CD226: variants seen among roughly 807,000 people sequenced by gnomAD.
CD226 encodes the protein CD226 antigen.
In CD226, 24 loss-of-function variants were observed where a neutral mutation model predicts 34.9. The observed-to-expected ratio is 0.69, with a 90% CI of 0.50 to 0.97. The LOEUF (loss-of-function observed/expected upper bound fraction) is 0.97, where lower values mean the gene tolerates loss of function less well. Among genes scored for constraint, CD226 ranks in the 50% least tolerant of loss-of-function variants. The pLI, the probability that CD226 is intolerant of heterozygous loss-of-function variation, is 0.00. For synonymous variants in CD226, 148 were observed against 147.4 expected, an observed-to-expected ratio of 1.00 and a Z score of -0.03; for missense variants, 397 against 412.7, an observed-to-expected ratio of 0.96 and a Z score of 0.33.
upstream of CD226, among the ~76,000 whole-genome samples, chr18:69,960,567 A>G (rs1234715590): frequency 6.6e-6 from 1 of 152,158 alleles, no homozygotes; most frequent in Non-Finnish European, 1.5e-5. Flanking sequence ...CTCCTGCCTC[A>G]GCCTCCCAAG....
upstream of CD226, among the ~76,000 whole-genome samples, chr18:69,961,303 T>C (rs989494528): frequency 7.9e-5 from 12 of 152,220 alleles, no homozygotes; most frequent in African/African-American, 2.7e-4. Context: ...TGCTCCTCTA[T>C]GGCAAGACCC....
At chr18:69,950,702 G>C (rs1268212060), upstream of CD226, among the ~76,000 whole-genome samples, 2 of 152,248 alleles carry the variant, frequency 1.3e-5, no homozygotes, top group East Asian at 3.9e-4. Context: ...ATACATTGAG[G>C]GGAGATGGAA....
At chr18:69,950,545 T>C (rs1329364832), upstream of CD226, among the ~76,000 whole-genome samples, 5 of 152,004 alleles carry the variant, frequency 3.3e-5, no homozygotes, top group Non-Finnish European at 7.4e-5. Flanking sequence ...TCTCGGGCAG[T>C]GAAGTGTGTT....
rs747702947 is a variant in CD226, at chr18:69,947,083, C to G, written c.47-14G>C. On this transcript the variant is annotated splice_polypyrimidine_tract_variant and intron_variant, in intron 1 of 5. Coordinates refer to ENST00000582621, the MANE Select transcript of CD226 (RefSeq NM_001303618.2). ...CTTCACATAGAGCTGAAATATACAA[C>G]ATCACATTAATTGTTAGCCTTGATG... The G allele has an allele frequency of 6.3e-7, 1 of 1,592,540 alleles. No homozygotes were observed. Among genetic ancestry groups the G allele is most frequent in the South Asian group, 1.1e-5 (1 of 90,182 alleles).
At chr18:69,896,182 T>A in intron 2 of CD226, 137 bp from the exon 3 acceptor site, 1 of 848,048 alleles carries the variant, frequency 1.2e-6, no homozygotes, top group Non-Finnish European at 1.4e-6. Flanking sequence ...TTTATACTAC[T>A]TTTTTTTTTT....
chr18:69,940,837 A>T (rs969259365), intron 2 of CD226, among the ~76,000 whole-genome samples: 2 of 152,218 alleles, frequency 1.3e-5, no homozygotes, highest in African/African-American at 4.8e-5. Flanking sequence ...AATCACCAAG[A>T]CAATGGGGAA....
At chr18:69,946,215 A>G (rs965087112) in intron 2 of CD226, among the ~76,000 whole-genome samples, 1 of 150,288 alleles carries the variant, frequency 6.7e-6, no homozygotes, top group Admixed American at 6.6e-5. Flanking sequence ...AAAAGAAGGA[A>G]GAAGAAAGAA....
intron 3 of CD226, among the ~76,000 whole-genome samples, chr18:69,888,296 G>A (rs1984679785): frequency 6.6e-6 from 1 of 151,992 alleles, no homozygotes; most frequent in South Asian, 2.1e-4. Flanking sequence ...CAATTCCCAG[G>A]TGCTTTTAGA....
At chr18:69,883,372 G>A (rs545264853) in intron 3 of CD226, among the ~76,000 whole-genome samples, 23 of 152,292 alleles carry the variant, frequency 1.5e-4, no homozygotes, top group Non-Finnish European at 3.2e-4. Context: ...TGTAGTGAGC[G>A]AGGGGACCAA....
At chr18:69,898,490 T>A (rs1236658484) in intron 2 of CD226, among the ~76,000 whole-genome samples, 1 of 151,804 alleles carries the variant, frequency 6.6e-6, no homozygotes, top group East Asian at 1.9e-4. Context: ...CAGGAAGCAA[T>A]GGGGAAAATC....
chr18:69,929,849 T>C (rs1307851667), intron 2 of CD226, among the ~76,000 whole-genome samples: 1 of 152,152 alleles, frequency 6.6e-6, no homozygotes, highest in Non-Finnish European at 1.5e-5. Context: ...ACACGCAACA[T>C]CGAATATATT....
At chr18:69,916,231 A>G (rs1271512450) in intron 2 of CD226, among the ~76,000 whole-genome samples, 1 of 152,232 alleles carries the variant, frequency 6.6e-6, no homozygotes, top group Non-Finnish European at 1.5e-5. Flanking sequence ...ACTTCAATGT[A>G]TATTTCAGGA....
chr18:69,873,210 C>T lies in CD226; in HGVS notation c.764G>A (p.Gly255Glu). ...AAACAACAACAATAAAACTGTCCCT[C>T]CAGCCACAAAGAGGGTATATTGGTT... ...TDNQYTLFVA[G>E]GTVLLLLFVI... The change falls in exon 4 of 6, where the codon GGA becomes GAA. Residue 255 changes from glycine (G) to glutamate (E), a missense_variant. Gly to Glu is a moderately conservative substitution (Grantham distance 98). Coordinates refer to ENST00000582621, the MANE Select transcript of CD226 (RefSeq NM_001303618.2). The T allele has an allele frequency of 6.2e-7, 1 of 1,610,284 alleles. No homozygotes were observed. The highest frequency in any genetic ancestry group is 1.1e-5 in the South Asian group (1 of 90,994).
intron 2 of CD226, among the ~76,000 whole-genome samples, chr18:69,918,602 T>TAATACCTCAG (rs889719937): frequency 6.6e-6 from 1 of 152,106 alleles, no homozygotes; most frequent in African/African-American, 2.4e-5. Flanking sequence ...ATAGAGTGGA[T>TAATACCTCAG]AATACCTCAG....
chr18:69,939,465 C>T (rs2055696641), intron 2 of CD226, among the ~76,000 whole-genome samples: 1 of 152,130 alleles, frequency 6.6e-6, no homozygotes, highest in African/African-American at 2.4e-5. Flanking sequence ...TGTAGAGTAT[C>T]CTAATGTGTG....
Position 69,859,898 on chromosome 18 carries a change from C to A in CD226, c.*4416G>T, listed in dbSNP as rs4891782. The stretch of plus-strand genomic sequence containing the variant: ...GACAAGTCTGACCAACGTGGAGAAA[C>A]CCCGTCTCCACTAAAAATACAAAAT... On this transcript the variant is annotated 3_prime_UTR_variant, in exon 6 of 6. Transcript: ENST00000582621. 18,343 of 152,042 alleles carry A rather than the reference C, an allele frequency of 0.12. 1,230 individuals carry two copies. The highest frequency in any genetic ancestry group is 0.17 in the African/African-American group (7,137 of 41,442). The allele number at this position is 152,042 out of a possible 1,614,324, so 9.4% of individuals were successfully genotyped here. A position where few individuals can be genotyped will look rare whatever the true frequency, so the allele number is the denominator to read the frequency against.
At chr18:69,866,773 G>A (rs1447141720) in intron 5 of CD226, among the ~76,000 whole-genome samples, 1 of 152,128 alleles carries the variant, frequency 6.6e-6, no homozygotes, top group African/African-American at 2.4e-5. Context: ...CGCTGTGCTG[G>A]AGAGGGGTGG....
At chr18:69,934,850 C>A (rs113694769) in intron 2 of CD226, among the ~76,000 whole-genome samples, 9 of 152,316 alleles carry the variant, frequency 5.9e-5, no homozygotes, top group African/African-American at 2.2e-4. Context: ...AATAATTTCA[C>A]ACTGATCCCT....
At chr18:69,896,544 C>T (rs1046260475) in intron 2 of CD226, among the ~76,000 whole-genome samples, 11 of 151,874 alleles carry the variant, frequency 7.2e-5, no homozygotes, top group Non-Finnish European at 1.5e-4. Flanking sequence ...TTTTTAAGTC[C>T]GGGAGATAAA....
Sources: allele counts gnomAD v4.1 joint callset (sites outside exome capture counted in the v4.1 genomes callset), GRCh38; gene constraint gnomAD v4.1.1; transcripts MANE v1.5; gene names NCBI Gene and HGNC (gene_info 2026-07-23, HGNC 2026-07-21).